Variants in POU3F3 observed in about 807,000 individuals in gnomAD.
The protein encoded by POU3F3 is POU class 3 homeobox 3.
Under a neutral mutation model 8.6 loss-of-function variants are expected in POU3F3, and 1 was observed. The observed-to-expected ratio is 0.12, with a 90% CI of 0.04 to 0.55. POU3F3 has a LOEUF of 0.55. Among genes scored for constraint, POU3F3 ranks in the 20% least tolerant of loss-of-function variants. The pLI is 0.91. For missense variants in POU3F3, 577 were observed against 690.7 expected (o/e 0.84, Z 1.84); for synonymous variants, 418 against 327.4 (o/e 1.28, Z -2.99).
chr2:104,916,952 A>G, the POU3F3 span, among the ~76,000 whole-genome samples: 2 of 152,220 alleles, frequency 1.3e-5, no homozygotes, highest in African/African-American at 4.8e-5. Context: ...GCTGTCACCA[A>G]TGTGGGTGGG....
the POU3F3 span, among the ~76,000 whole-genome samples, chr2:104,927,285 G>A: frequency 6.6e-6 from 1 of 151,830 alleles, no homozygotes; most frequent in African/African-American, 2.4e-5. Context: ...GGGGCACACA[G>A]ACATCCAGTT....
chr2:104,856,500 G>A lies in POU3F3; in HGVS notation c.990G>A (p.Lys330=), dbSNP rs1261775485. 1.2e-6 allele frequency: 2 copies of A among 1,613,894 alleles called. No individual in the cohort carries two copies. Among genetic ancestry groups the A allele is most frequent in the African/African-American group, 1.3e-5 (1 of 75,048 alleles). Residue 330 remains lysine (K), a synonymous_variant, in exon 1 of 1, where the codon AAG becomes AAA. Transcript: ENST00000361360. ...DDLEQFAKQF[K]QRRIKLGFTQ... is the part of the protein sequence containing the mutation. Reference sequence around the variant, plus strand: ...TGGAGCAGTTCGCCAAGCAGTTCAAGCAGCGGCGCATCAAGCTGGGCTTCA... The same window carrying A: ...TGGAGCAGTTCGCCAAGCAGTTCAAACAGCGGCGCATCAAGCTGGGCTTCA...
At chr2:104,909,935 A>G in the POU3F3 span, among the ~76,000 whole-genome samples, 1 of 152,322 alleles carries the variant, frequency 6.6e-6, no homozygotes, top group Middle Eastern at 3.4e-3. Flanking sequence ...CTATTTTTAT[A>G]GAAAAATGTG....
chr2:104,898,124 C>T, the POU3F3 span, among the ~76,000 whole-genome samples: 8 of 152,152 alleles, frequency 5.3e-5, no homozygotes, highest in Non-Finnish European at 7.3e-5. Context: ...GGGATTAGTG[C>T]CCGCTTAAGA....
the POU3F3 span, among the ~76,000 whole-genome samples, chr2:104,893,136 A>C: frequency 6.6e-6 from 1 of 152,238 alleles, no homozygotes; most frequent in South Asian, 2.1e-4. Context: ...ATAAAGTTAG[A>C]ATTTCAGAAC....
At chr2:104,892,230 A>G in the POU3F3 span, among the ~76,000 whole-genome samples, 1 of 152,132 alleles carries the variant, frequency 6.6e-6, no homozygotes, top group Non-Finnish European at 1.5e-5. Context: ...TGTGGTGAAG[A>G]TGGCCCATCA....
chr2:104,922,761 C>T, the POU3F3 span, among the ~76,000 whole-genome samples: 381 of 152,076 alleles, frequency 2.5e-3, 1 homozygote, highest in African/African-American at 8.8e-3. Flanking sequence ...AAATAATGAC[C>T]AAAAACTTTC....
chr2:104,905,053 C>G, the POU3F3 span, among the ~76,000 whole-genome samples: 36 of 152,100 alleles, frequency 2.4e-4, no homozygotes, highest in African/African-American at 8.7e-4. Flanking sequence ...GCCATCGCAG[C>G]GACAAGGTCC....
At chr2:104,913,823 G>T in the POU3F3 span, among the ~76,000 whole-genome samples, 3 of 152,054 alleles carry the variant, frequency 2.0e-5, no homozygotes, top group Non-Finnish European at 4.4e-5. Flanking sequence ...GAATAGCTCT[G>T]TGTATACTTT....
At chr2:104,904,589 C>A in the POU3F3 span, among the ~76,000 whole-genome samples, 1 of 151,968 alleles carries the variant, frequency 6.6e-6, no homozygotes, top group Non-Finnish European at 1.5e-5. Flanking sequence ...ATGTTCCTTA[C>A]TATAAATGTA....
chr2:104,868,314 G>A, the POU3F3 span: 1 of 456,736 alleles, frequency 2.2e-6, no homozygotes, highest in Non-Finnish European at 4.4e-6. Flanking sequence ...AGGAGCAGGT[G>A]CAAGAACAGT....
At chr2:104,916,886 G>C in the POU3F3 span, among the ~76,000 whole-genome samples, 1 of 152,218 alleles carries the variant, frequency 6.6e-6, no homozygotes, top group Admixed American at 6.5e-5. Flanking sequence ...GAGTGTGTCT[G>C]AGTGTGATCC....
the POU3F3 span, among the ~76,000 whole-genome samples, chr2:104,915,315 T>C: frequency 6.6e-6 from 1 of 152,186 alleles, no homozygotes; most frequent in Non-Finnish European, 1.5e-5. Context: ...TGAGCTAGCC[T>C]GAGACAACTG....
the POU3F3 span, among the ~76,000 whole-genome samples, chr2:104,897,810 G>A: frequency 6.6e-6 from 1 of 152,196 alleles, no homozygotes; most frequent in Non-Finnish European, 1.5e-5. Flanking sequence ...TGGAAATGCT[G>A]GGTGGATATG....
the POU3F3 span, chr2:104,872,595 C>T: frequency 3.5e-6 from 1 of 288,292 alleles, no homozygotes; most frequent in Non-Finnish European, 6.7e-6. The surrounding 1 kb of genome is among the most constrained non-coding windows in gnomAD (Gnocchi z 4.6). Flanking sequence ...GACGCACTCG[C>T]TCTGCGCCCG....
chr2:104,902,340 G>A, the POU3F3 span, among the ~76,000 whole-genome samples: 1 of 152,162 alleles, frequency 6.6e-6, no homozygotes, highest in African/African-American at 2.4e-5. Context: ...AGGGAGCCAA[G>A]AGCATTTCGG....
chr2:104,910,355 G>A, the POU3F3 span, among the ~76,000 whole-genome samples: 5 of 152,040 alleles, frequency 3.3e-5, no homozygotes, highest in South Asian at 2.1e-4. Context: ...ATCTACAAGC[G>A]GCTTCTTCTC....
chr2:104,907,930 A>AAT, the POU3F3 span, among the ~76,000 whole-genome samples: 2 of 152,058 alleles, frequency 1.3e-5, no homozygotes, highest in South Asian at 4.2e-4. Context: ...AATGTGTGAG[A>AAT]GTGTGTGTGT....
At chr2:104,921,434 G>A in the POU3F3 span, among the ~76,000 whole-genome samples, 2 of 152,140 alleles carry the variant, frequency 1.3e-5, no homozygotes, top group African/African-American at 4.8e-5. Context: ...CAATTTCCTG[G>A]GGGAAAGCTT....
Sources: allele counts gnomAD v4.1 joint callset (sites outside exome capture counted in the v4.1 genomes callset), GRCh38; gene constraint gnomAD v4.1.1; non-coding constraint Gnocchi (gnomAD v3.1); transcripts MANE v1.5; gene names NCBI Gene and HGNC (gene_info 2026-07-23, HGNC 2026-07-21).